UGGT1: variants seen among roughly 807,000 people sequenced by gnomAD.
The protein encoded by UGGT1 is UDP-glucose glycoprotein glucosyltransferase 1, also known as UDP-glucose:glycoprotein glucosyltransferase 1.
Under a neutral mutation model 203.9 loss-of-function variants are expected in UGGT1, and 107 were observed. The ratio of observed to expected loss-of-function variants is 0.52; its 90% CI spans 0.45 to 0.62. UGGT1 has a LOEUF of 0.62. UGGT1 is among the 20% of genes least tolerant of loss of function. The pLI is 0.00. For missense variants in UGGT1, 1,673 were observed against 1,867.2 expected (o/e 0.90, Z 1.92); for synonymous variants, 628 against 653.5 (o/e 0.96, Z 0.59).
intron 18 of UGGT1, among the ~76,000 whole-genome samples, chr2:128,147,964 A>G (rs1353530127): frequency 6.6e-6 from 1 of 152,190 alleles, no homozygotes; most frequent in Non-Finnish European, 1.5e-5. Context: ...AAATAATATA[A>G]TGTGACACTT....
rs765059786 is a variant in UGGT1, at chr2:128,180,897, TA to T, written c.3909del (p.Pro1304LeufsTer46). The T allele has an allele frequency of 6.2e-7, 1 of 1,612,926 alleles. No individual in the cohort carries two copies. The highest frequency in any genetic ancestry group is 1.7e-5 in the Admixed American group (1 of 59,782). On this transcript the variant is annotated frameshift_variant, in exon 36 of 41. Coordinates refer to ENST00000259253, the MANE Select transcript of UGGT1 (RefSeq NM_020120.4). LOFTEE classifies it high-confidence loss of function. ...NYLSPTFKEF[I>X]PYMANEYNFQ... ...TCCCATGTCTAAAAATAGGAGTTTA[TA>T]CCTTACATGGCAAATGAATACAATT...
intron 15 of UGGT1, among the ~76,000 whole-genome samples, chr2:128,136,472 A>G (rs1261171982): frequency 1.3e-5 from 2 of 152,090 alleles, no homozygotes; most frequent in African/African-American, 4.8e-5. Context: ...GCGTGTGCCT[A>G]TTCAGATTGG....
At chr2:128,134,762 C>A in intron 14 of UGGT1, 114 bp from the exon 15 acceptor site, 1 of 817,360 alleles carries the variant, frequency 1.2e-6, no homozygotes, top group Non-Finnish European at 2.0e-6. Context: ...TTATGTGGTT[C>A]AAGCGTAGCT....
Position 128,097,541 on chromosome 2 carries a change from C to G in UGGT1, c.171C>G (p.Ser57=), listed in dbSNP as rs2105332736. 1 of 1,614,116 alleles carries G rather than the reference C, an allele frequency of 6.2e-7. No homozygotes were observed. Among genetic ancestry groups the G allele is most frequent in the African/African-American group, 1.3e-5 (1 of 75,040 alleles). ...CCTCTCTTACAACAAAATGGTTTTC[C>G]ACTCCATTGTTGTTAGAAGCCAGGT... The part of the protein sequence containing the change: ...ITTSLTTKWF[S]TPLLLEASEF... The change falls in exon 2 of 41, where the codon TCC becomes TCG. Residue 57 remains serine (S), a synonymous_variant. Transcript: ENST00000259253.
At chr2:128,160,289 A>G (rs1172721172) in intron 23 of UGGT1, among the ~76,000 whole-genome samples, 171 bp from the exon 24 acceptor site, 2 of 152,220 alleles carry the variant, frequency 1.3e-5, no homozygotes, top group African/African-American at 2.4e-5. Context: ...TACTCTAAGT[A>G]GTAGGGAGAT....
chr2:128,115,357 G>A, intron 7 of UGGT1, 137 bp downstream of exon 7: 1 of 701,756 alleles, frequency 1.4e-6, no homozygotes, highest in Admixed American at 2.6e-5. Context: ...ACCTGAGTGG[G>A]TGACCCTTAA....
chr2:128,172,158 GTCC>G (rs1400953724), intron 28 of UGGT1, among the ~76,000 whole-genome samples: 8 of 152,218 alleles, frequency 5.3e-5, no homozygotes, highest in Admixed American at 5.2e-4. Flanking sequence ...AGAAAAATGA[GTCC>G]TCCTTGAAGG....
chr2:128,165,702 CATA>C (rs1690754198), intron 26 of UGGT1, among the ~76,000 whole-genome samples: 1 of 151,940 alleles, frequency 6.6e-6, no homozygotes, highest in Admixed American at 6.6e-5. Flanking sequence ...ATCTCAAAAT[CATA>C]ATAATAGTAA....
chr2:128,182,909 C>CTTTTT (rs372722115), intron 37 of UGGT1, among the ~76,000 whole-genome samples: 9 of 114,238 alleles, frequency 7.9e-5, no homozygotes, highest in Non-Finnish European at 8.6e-5. Context: ...TGTAACTTGG[C>CTTTTT]TTTTTTTTTT....
intron 10 of UGGT1, among the ~76,000 whole-genome samples, chr2:128,121,995 C>A (rs1056107557): frequency 6.6e-6 from 1 of 152,170 alleles, no homozygotes; most frequent in East Asian, 1.9e-4. Flanking sequence ...AAAGGTTTTA[C>A]ATATGTCATC....
At chr2:128,179,739 A>T in intron 34 of UGGT1, 47 bp from the exon 35 acceptor site, 1 of 1,496,862 alleles carries the variant, frequency 6.7e-7, no homozygotes, top group Non-Finnish European at 9.3e-7. Context: ...TGTTGAGGTT[A>T]AATAACATTG....
chr2:128,157,654 G>A (rs1156264988), intron 22 of UGGT1, among the ~76,000 whole-genome samples: 1 of 152,200 alleles, frequency 6.6e-6, no homozygotes, highest in African/African-American at 2.4e-5. Flanking sequence ...TCCAACAATT[G>A]TGTTGTGTAC....
At chr2:128,150,184 A>G (rs1403335319) in intron 18 of UGGT1, among the ~76,000 whole-genome samples, 3 of 152,168 alleles carry the variant, frequency 2.0e-5, no homozygotes, top group African/African-American at 4.8e-5. Context: ...CGCCTGTAAT[A>G]CAACACTTCG....
chr2:128,149,788 G>GAA (rs1277935534), intron 18 of UGGT1, among the ~76,000 whole-genome samples: 1 of 131,182 alleles, frequency 7.6e-6, no homozygotes. Context: ...TCCGTCTCAA[G>GAA]AAAAAAAAAA....
chr2:128,114,066 T>C (rs1687985986), intron 6 of UGGT1, among the ~76,000 whole-genome samples: 1 of 152,168 alleles, frequency 6.6e-6, no homozygotes, highest in African/African-American at 2.4e-5. Flanking sequence ...AAAGTTTCTA[T>C]GTCATAATAA....
intron 37 of UGGT1, among the ~76,000 whole-genome samples, chr2:128,183,209 G>A (rs1422575380): frequency 6.6e-6 from 1 of 152,226 alleles, no homozygotes; most frequent in Non-Finnish European, 1.5e-5. Flanking sequence ...GCAGGGAAGA[G>A]GAACGTGTAG....
At chr2:128,104,158 G>T in intron 3 of UGGT1, 144 bp downstream of exon 3, 3 of 578,570 alleles carry the variant, frequency 5.2e-6, no homozygotes, top group South Asian at 3.3e-5. Flanking sequence ...TGGTCAGGAA[G>T]AGCCAACACA....
rs530452316 is a variant in UGGT1 at position 128,102,882 on chromosome 2, T to C, written c.195-1050T>C. ...CTGATGTATCTGTCTTAGGACTTGT[T>C]TTCTTAGACTATAAGCTATGCCAAG... On this transcript the variant is annotated intron_variant, in intron 2 of 40. Transcript: ENST00000259253. 6.5e-4 allele frequency among the ~76,000 whole-genome samples: 99 copies of C among 152,346 alleles called. 1 individual carries two copies. The Middle Eastern group carries it at 0.02, about 31-fold the overall frequency.
chr2:128,173,024 A>G (rs1179915877), intron 29 of UGGT1, among the ~76,000 whole-genome samples: 2 of 152,180 alleles, frequency 1.3e-5, no homozygotes, highest in Non-Finnish European at 2.9e-5. Flanking sequence ...TGAAAGCCCC[A>G]TACTCATTAG....
Sources: allele counts gnomAD v4.1 joint callset (sites outside exome capture counted in the v4.1 genomes callset), GRCh38; gene constraint gnomAD v4.1.1; transcripts MANE v1.5; gene names NCBI Gene and HGNC (gene_info 2026-07-23, HGNC 2026-07-21).